DLC1: variants seen among roughly 807,000 people sequenced by gnomAD.
DLC1 encodes DLC1 Rho GTPase activating protein.
Under a neutral mutation model 140.3 loss-of-function variants are expected in DLC1, and 54 were observed. The observed-to-expected ratio is 0.38, with a 90% CI of 0.31 to 0.48. DLC1 has a LOEUF of 0.48. Ranked by LOEUF, DLC1 falls within the 20% of genes least tolerant of loss-of-function variation. The probability of loss-of-function intolerance (pLI) is 0.96; values close to 1 mark genes in which losing one functional copy is unlikely to be tolerated. For missense variants in DLC1, 2,536 were observed against 1,907.0 expected, an observed-to-expected ratio of 1.33 and a Z score of -6.14; for synonymous variants, 986 against 728.1, an observed-to-expected ratio of 1.35 and a Z score of -5.70.
At chr8:13,090,604 G>C in intron 14 of DLC1, 134 bp from the exon 15 acceptor site, 1 of 982,202 alleles carries the variant, frequency 1.0e-6, no homozygotes, top group East Asian at 2.6e-5. Context: ...GCCGGAGGTG[G>C]GCTATCATGC....
intron 4 of DLC1, among the ~76,000 whole-genome samples, chr8:13,385,729 C>G (rs113632560): frequency 8.5e-4 from 130 of 152,276 alleles, no homozygotes; most frequent in Admixed American, 2.0e-3. Flanking sequence ...AAACTATAGT[C>G]AAGAAGGCCC....
At chr8:13,272,830 C>T (rs989380937) in intron 5 of DLC1, among the ~76,000 whole-genome samples, 5 of 152,136 alleles carry the variant, frequency 3.3e-5, no homozygotes, top group Non-Finnish European at 7.3e-5. Flanking sequence ...GCCGAGATCG[C>T]GCCACTGCAT....
At chr8:13,533,586 T>G (rs542631306) in intron 1 of DLC1, among the ~76,000 whole-genome samples, 6 of 152,344 alleles carry the variant, frequency 3.9e-5, no homozygotes, top group Admixed American at 1.3e-4. Context: ...AAGTTGAGTT[T>G]CTGAGTCCTT....
intron 5 of DLC1, among the ~76,000 whole-genome samples, chr8:13,293,951 A>C (rs899021277): frequency 6.6e-6 from 1 of 152,244 alleles, no homozygotes; most frequent in Non-Finnish European, 1.5e-5. Context: ...GTAGCCAAAA[A>C]GGGTAATGTT....
At chr8:13,395,247 G>GAGT (rs376455668) in intron 3 of DLC1, among the ~76,000 whole-genome samples, 3 of 151,600 alleles carry the variant, frequency 2.0e-5, no homozygotes, top group Admixed American at 6.6e-5. Context: ...CAACCTCCTT[G>GAGT]AGTAGCTGGG....
chr8:13,328,911 T>C (rs936351881), intron 4 of DLC1, among the ~76,000 whole-genome samples: 2 of 152,212 alleles, frequency 1.3e-5, no homozygotes, highest in African/African-American at 4.8e-5. Flanking sequence ...TGTGATCATT[T>C]CATCCTGCAA....
At chr8:13,478,631 A>G (rs1172493104) in intron 2 of DLC1, among the ~76,000 whole-genome samples, 2 of 152,156 alleles carry the variant, frequency 1.3e-5, no homozygotes, top group African/African-American at 4.8e-5. Flanking sequence ...ATCCCTTCTC[A>G]TCAGTTCAAG....
At chr8:13,360,674 T>G (rs1835181461) in intron 4 of DLC1, among the ~76,000 whole-genome samples, 1 of 152,158 alleles carries the variant, frequency 6.6e-6, no homozygotes, top group Non-Finnish European at 1.5e-5. Flanking sequence ...AGTGTGATTT[T>G]TTTTTCTTTT....
At chr8:13,198,214 T>G (rs544931163) in intron 5 of DLC1, among the ~76,000 whole-genome samples, 14 of 152,302 alleles carry the variant, frequency 9.2e-5, no homozygotes, top group African/African-American at 3.4e-4. Context: ...TAATTAAATT[T>G]TAAAATATGT....
At chr8:13,393,478 G>A (rs971398100) in intron 4 of DLC1, 75 bp downstream of exon 4, 56 of 1,441,312 alleles carry the variant, frequency 3.9e-5, no homozygotes, top group African/African-American at 2.0e-4. Context: ...CTTCTATATC[G>A]AATGAATATC....
At chr8:13,594,642 T>C (rs1805627131) in intron 1 of DLC1, among the ~76,000 whole-genome samples, 1 of 152,134 alleles carries the variant, frequency 6.6e-6, no homozygotes, top group South Asian at 2.1e-4. Context: ...TACTGTCTTT[T>C]CAAGACAATA....
intron 7 of DLC1, among the ~76,000 whole-genome samples, chr8:13,106,880 G>A (rs1585640009): frequency 6.6e-6 from 1 of 152,206 alleles, no homozygotes; most frequent in African/African-American, 2.4e-5. Context: ...ATAGTTTTCA[G>A]AAGCTGTAGG....
At chr8:13,372,172 T>C (rs530721909) in intron 4 of DLC1, among the ~76,000 whole-genome samples, 3 of 152,056 alleles carry the variant, frequency 2.0e-5, no homozygotes, top group Admixed American at 6.6e-5. Flanking sequence ...GTGGCTTTGA[T>C]AGTGGGAAAT....
chr8:13,106,442 G>C (rs73552402), intron 7 of DLC1, among the ~76,000 whole-genome samples: 3,058 of 152,194 alleles, frequency 0.02, 91 homozygotes, highest in African/African-American at 0.065. Flanking sequence ...GGACCTCCTG[G>C]GCTCACAGGA....
intron 3 of DLC1, among the ~76,000 whole-genome samples, chr8:13,396,529 A>G (rs1837051956): frequency 1.3e-5 from 2 of 152,150 alleles, no homozygotes; most frequent in East Asian, 3.9e-4. Context: ...TTCAATGTTC[A>G]TCACCTCTAC....
intron 5 of DLC1, among the ~76,000 whole-genome samples, chr8:13,174,327 C>A (rs1978666): frequency 0.44 from 67,110 of 152,018 alleles, 15,586 homozygotes; most frequent in East Asian, 0.84. Flanking sequence ...TATGAACATA[C>A]AAGTGCATGT....
At chr8:13,549,103 T>C (rs1305889160) in intron 1 of DLC1, among the ~76,000 whole-genome samples, 1 of 152,094 alleles carries the variant, frequency 6.6e-6, no homozygotes, top group Admixed American at 6.6e-5. Context: ...ACAGATGACT[T>C]ATTTTCTTAC....
intron 14 of DLC1, 96 bp from the exon 15 acceptor site, chr8:13,090,566 G>C (rs1817971376): frequency 2.8e-6 from 4 of 1,429,794 alleles, no homozygotes; most frequent in Non-Finnish European, 3.8e-6. Context: ...CAATGGCCTG[G>C]TCCTTAAAGC....
chr8:13,132,808 A>C (rs1231632338), intron 5 of DLC1: 1 of 1,110,810 alleles, frequency 9.0e-7, no homozygotes, highest in Non-Finnish European at 1.3e-6. Flanking sequence ...GAAAATCCGG[A>C]GACTCTGCAG....
Sources: gnomAD v4.1 joint callset for allele counts (sites outside exome capture counted in the v4.1 genomes callset) on GRCh38, gnomAD v4.1.1 for gene constraint, MANE v1.5 for transcripts, NCBI Gene and HGNC (gene_info 2026-07-23, HGNC 2026-07-21) for gene names.